Variants in ASTN2 observed in about 807,000 individuals in gnomAD.
ASTN2 encodes the protein astrotactin-2.
Under a neutral mutation model 139.8 loss-of-function variants are expected in ASTN2, and 54 were observed. The ratio of observed to expected loss-of-function variants is 0.39; its 90% confidence interval spans 0.31 to 0.48. The LOEUF (loss-of-function observed/expected upper bound fraction) is 0.48. Among genes scored for constraint, ASTN2 ranks in the 20% least tolerant of loss-of-function variants. The pLI is 0.95. For missense variants in ASTN2, 1,565 were observed against 1,725.1 expected, an observed-to-expected ratio of 0.91 and a Z score of 1.64; for synonymous variants, 756 against 719.5, an observed-to-expected ratio of 1.05 and a Z score of -0.81.
intron 16 of ASTN2, among the ~76,000 whole-genome samples, chr9:116,657,930 C>T (rs956792640): frequency 4.7e-5 from 7 of 149,194 alleles, no homozygotes; most frequent in African/African-American, 1.7e-4. Flanking sequence ...CTGTATCACC[C>T]AGATTGGAGT....
intron 2 of ASTN2, among the ~76,000 whole-genome samples, chr9:117,225,535 G>GTATGTATATATATATATATATATATA (rs369914209): frequency 3.1e-5 from 2 of 63,920 alleles, no homozygotes; most frequent in Non-Finnish European, 7.0e-5. Context: ...CAAGCTGTAT[G>GTATGTATATATATATATATATATATA]TATATATATA....
chr9:117,301,799 C>T (rs1011822962), intron 1 of ASTN2, among the ~76,000 whole-genome samples: 8 of 152,074 alleles, frequency 5.3e-5, no homozygotes, highest in South Asian at 2.1e-4. Flanking sequence ...TTCTGTCTTA[C>T]GGTGAATGAG....
At chr9:116,478,279 GAAGA>G (rs1176921541) in intron 20 of ASTN2, among the ~76,000 whole-genome samples, 2 of 150,734 alleles carry the variant, frequency 1.3e-5, no homozygotes, top group Non-Finnish European at 3.0e-5. Flanking sequence ...AGGAAGGAAG[GAAGA>G]GAGCCAGGGA....
chr9:116,612,995 AAG>A (rs1855630620), intron 19 of ASTN2: 1 of 152,172 alleles, frequency 6.6e-6, no homozygotes, highest in Non-Finnish European at 1.5e-5. Flanking sequence ...TAAAGAATAA[AAG>A]AGAGAAGAAT....
chr9:116,867,371 C>T (rs1400468667), intron 10 of ASTN2, among the ~76,000 whole-genome samples: 2 of 151,588 alleles, frequency 1.3e-5, no homozygotes, highest in Non-Finnish European at 2.9e-5. Context: ...AGAAAGAAAA[C>T]ACACCCATCT....
chr9:116,945,845 A>C (rs1208557652), intron 10 of ASTN2, among the ~76,000 whole-genome samples: 1 of 152,216 alleles, frequency 6.6e-6, no homozygotes, highest in Non-Finnish European at 1.5e-5. Flanking sequence ...TTCACACTGC[A>C]ATAAAGAACT....
chr9:116,723,721 A>T (rs1828537693), intron 16 of ASTN2, among the ~76,000 whole-genome samples: 1 of 152,356 alleles, frequency 6.6e-6, no homozygotes, highest in South Asian at 2.1e-4. Context: ...GGAGTATTTG[A>T]TCTACCATCT....
intron 7 of ASTN2, among the ~76,000 whole-genome samples, chr9:117,005,903 G>C (rs904295663): frequency 6.6e-6 from 1 of 152,070 alleles, no homozygotes; most frequent in African/African-American, 2.4e-5. Flanking sequence ...TGTGCCTTCT[G>C]TTTGAAGAAG....
chr9:117,297,086 A>G (rs1834755293), intron 1 of ASTN2, among the ~76,000 whole-genome samples: 1 of 152,238 alleles, frequency 6.6e-6, no homozygotes, highest in Non-Finnish European at 1.5e-5. Flanking sequence ...GGTCATTAAG[A>G]AAATAAGCAG....
rs757033062 is a variant in ASTN2 at position 117,096,009 on chromosome 9, A to T, written c.1276+35T>A. The T allele has an allele frequency of 1.2e-5, 19 of 1,583,096 alleles. No homozygotes were observed. The Admixed American group carries it at 3.2e-4, about 27-fold the overall frequency. On this transcript the variant is annotated intron_variant, in intron 5 of 22. Transcript: ENST00000313400. ...TGATTTCCAGGATTTCCTTCTACAA[A>T]CTCTGGTTCTGGAACCTTCCAAGGA...
At chr9:116,922,161 C>T (rs902204728) in intron 10 of ASTN2, among the ~76,000 whole-genome samples, 4 of 152,188 alleles carry the variant, frequency 2.6e-5, no homozygotes, top group African/African-American at 4.8e-5. Context: ...TACAACCCTC[C>T]TATGCATTAC....
intron 10 of ASTN2, among the ~76,000 whole-genome samples, chr9:116,878,001 C>T (rs762022494): frequency 3.9e-5 from 6 of 152,142 alleles, no homozygotes; most frequent in Non-Finnish European, 7.4e-5. Flanking sequence ...ATCAAAACCA[C>T]AATGGGATAC....
intron 13 of ASTN2, among the ~76,000 whole-genome samples, chr9:116,802,690 T>G (rs1464124905): frequency 6.6e-6 from 1 of 152,192 alleles, no homozygotes; most frequent in South Asian, 2.1e-4. Flanking sequence ...CCATAAAACA[T>G]ACAATGTACC....
intron 10 of ASTN2, among the ~76,000 whole-genome samples, chr9:116,886,183 A>G (rs1446490984): frequency 1.3e-5 from 2 of 152,202 alleles, no homozygotes; most frequent in Non-Finnish European, 2.9e-5. Context: ...ATCTGTCCAC[A>G]GGTCTGGTTT....
rs566903736 is a variant in ASTN2 at position 116,704,970 on chromosome 9, A to G, written c.2806+20801T>C. Among the ~76,000 whole-genome samples the G allele has an allele frequency of 3.3e-5, 5 of 152,332 alleles. No individual in the cohort carries two copies. In the East Asian group the frequency reaches 9.6e-4, roughly 29 times the overall value. ...TGAAATTTTTTTTAAAACCTTAGAA[A>G]CATGCATGTTTAGCTATTTCTTTAG... On this transcript the variant is annotated intron_variant, in intron 16 of 22. Coordinates refer to ENST00000313400, the MANE Select transcript of ASTN2 (RefSeq NM_001365068.1).
intron 19 of ASTN2, among the ~76,000 whole-genome samples, chr9:116,562,914 C>T (rs964525166): frequency 6.6e-6 from 1 of 152,008 alleles, no homozygotes; most frequent in Non-Finnish European, 1.5e-5. Flanking sequence ...TACTCTGAGC[C>T]AGAAAGTATG....
chr9:116,909,575 T>C (rs1222598972), intron 10 of ASTN2, among the ~76,000 whole-genome samples: 2 of 152,160 alleles, frequency 1.3e-5, no homozygotes, highest in Non-Finnish European at 2.9e-5. Context: ...TACGATGAGA[T>C]TGGGACTGGA....
At chr9:117,380,347 C>T (rs1216475900) in intron 1 of ASTN2, among the ~76,000 whole-genome samples, 1 of 152,064 alleles carries the variant, frequency 6.6e-6, no homozygotes, top group Non-Finnish European at 1.5e-5. Context: ...TAGCTCATGC[C>T]TGTAATCCCA....
rs375388425 is a variant in ASTN2, at chr9:116,544,958, GCCAATGGC to G, written c.3356-57466_3356-57459del. Among the ~76,000 whole-genome samples, 99 of 152,300 alleles carry G rather than the reference GCCAATGGC, an allele frequency of 6.5e-4. 1 individual carries two copies. The highest frequency in any genetic ancestry group is 2.3e-3 in the African/African-American group (94 of 41,574). On this transcript the variant is annotated intron_variant, in intron 19 of 22. Transcript: ENST00000313400. Reference sequence around the variant, plus strand: ...GAGCCAGAAGACCCTTGGTGAGAGTGCCAATGGCCTGCTCCTGGCCCAGCTACCTGCTC... The same window carrying G: ...GAGCCAGAAGACCCTTGGTGAGAGTGCTGCTCCTGGCCCAGCTACCTGCTC...
Sources: gnomAD v4.1 joint callset for allele counts (sites outside exome capture counted in the v4.1 genomes callset) on GRCh38, gnomAD v4.1.1 for gene constraint, MANE v1.5 for transcripts, NCBI Gene and HGNC (gene_info 2026-07-23, HGNC 2026-07-21) for gene names.